STRN: variants seen among roughly 807,000 people sequenced by gnomAD.
STRN encodes the protein striatin.
A neutral mutation model predicts 96.3 loss-of-function variants in STRN; 53 were observed. That is an observed-to-expected ratio of 0.55 (90% confidence interval 0.44 to 0.69). STRN has a LOEUF of 0.69. STRN is among the 30% of genes least tolerant of loss of function. STRN has a pLI of 0.00. For missense variants in STRN, 987 were observed against 963.9 expected (o/e 1.02, Z -0.32); for synonymous variants, 428 against 355.9 (o/e 1.20, Z -2.28).
intron 3 of STRN, among the ~76,000 whole-genome samples, chr2:36,909,185 TA>T (rs1214647841): frequency 6.6e-6 from 1 of 150,378 alleles, no homozygotes; most frequent in Non-Finnish European, 1.5e-5. Flanking sequence ...AAATTCAGGT[TA>T]AAAAAAGAAA....
chr2:36,928,405 A>C (rs1204289557), intron 1 of STRN, among the ~76,000 whole-genome samples: 4 of 152,158 alleles, frequency 2.6e-5, no homozygotes, highest in Non-Finnish European at 5.9e-5. Context: ...TAATCCCAGA[A>C]CTTTGGGAGG....
At chr2:36,902,994 A>G (rs1469935176) in intron 4 of STRN, 1 of 258,916 alleles carries the variant, frequency 3.9e-6, no homozygotes, top group Non-Finnish European at 7.2e-6. Context: ...CATTACATTT[A>G]CCATAAGAAG....
intron 2 of STRN, among the ~76,000 whole-genome samples, chr2:36,922,386 G>A (rs576835108): frequency 6.6e-6 from 1 of 152,072 alleles, no homozygotes; most frequent in Non-Finnish European, 1.5e-5. Context: ...GTGTGGACTG[G>A]AGTATATCTG....
intron 1 of STRN, among the ~76,000 whole-genome samples, chr2:36,957,188 G>A (rs1490647932): frequency 6.6e-6 from 1 of 152,190 alleles, no homozygotes; most frequent in African/African-American, 2.4e-5. Flanking sequence ...AAGGGCTTAT[G>A]TCTTCAAAGC....
chr2:36,893,810 A>T, intron 7 of STRN, 88 bp downstream of exon 7: 1 of 1,462,476 alleles, frequency 6.8e-7, no homozygotes, highest in South Asian at 1.5e-5. Context: ...ATATTTCAAC[A>T]TTATAGTTAA....
At chr2:36,966,141 A>G (rs1318109717) in intron 1 of STRN, 89 bp downstream of exon 1, 2 of 1,284,096 alleles carry the variant, frequency 1.6e-6, no homozygotes, top group Non-Finnish European at 2.0e-6. Context: ...GGGACGCGAG[A>G]AGGCTGGGGG....
intron 5 of STRN, among the ~76,000 whole-genome samples, 152 bp downstream of exon 5, chr2:36,902,429 CTTG>C (rs1192878418): frequency 6.6e-6 from 1 of 151,708 alleles, no homozygotes; most frequent in Non-Finnish European, 1.5e-5. Flanking sequence ...AACTCCAATC[CTTG>C]TTACCTTCTA....
At chr2:36,962,785 G>A (rs1405436535) in intron 1 of STRN, among the ~76,000 whole-genome samples, 1 of 152,102 alleles carries the variant, frequency 6.6e-6, no homozygotes, top group Non-Finnish European at 1.5e-5. Flanking sequence ...GGGGATTACA[G>A]GTGTGAGCCA....
chr2:36,910,317 T>A (rs1031426781), intron 3 of STRN, among the ~76,000 whole-genome samples: 2 of 151,902 alleles, frequency 1.3e-5, no homozygotes, highest in Non-Finnish European at 2.9e-5. Context: ...CACAAAGGAA[T>A]AATGAGTATT....
intron 7 of STRN, among the ~76,000 whole-genome samples, chr2:36,888,020 C>T (rs1002895027): frequency 1.3e-5 from 2 of 152,206 alleles, no homozygotes; most frequent in African/African-American, 4.8e-5. Context: ...ACCTCTCTCC[C>T]CATCCAATCT....
chr2:36,925,054 C>T, intron 2 of STRN, 51 bp downstream of exon 2: 1 of 1,555,718 alleles, frequency 6.4e-7, no homozygotes, highest in Non-Finnish European at 8.8e-7. Flanking sequence ...GAAACTCCGT[C>T]TCAAAACAAA....
intron 3 of STRN, among the ~76,000 whole-genome samples, chr2:36,908,960 G>A (rs528842827): frequency 8.0e-5 from 12 of 150,082 alleles, no homozygotes; most frequent in African/African-American, 2.2e-4. Context: ...CAGCCTGGGC[G>A]ACAGAGCAAG....
chr2:36,839,783 T>G lies in STRN; in HGVS notation c.*9673A>C, dbSNP rs1469429008. 3 of 152,220 alleles carry G rather than the reference T, an allele frequency of 2.0e-5. No homozygotes were observed. The highest frequency in any genetic ancestry group is 7.2e-5 in the African/African-American group (3 of 41,464). 9.4% of individuals were successfully genotyped at this position (152,220 alleles called of 1,614,324 possible). A position where few individuals can be genotyped will look rare whatever the true frequency, so the allele number is the denominator to read the frequency against. ...ATATGTTTAATGTTGAGATTATTCG[T>G]TGAATATTTCATATGTAATTTGCTG... is the stretch of plus-strand genomic sequence containing the variant. On this transcript the variant is annotated 3_prime_UTR_variant, in exon 18 of 18. Coordinates refer to ENST00000263918, the MANE Select transcript of STRN (RefSeq NM_003162.4).
intron 5 of STRN, among the ~76,000 whole-genome samples, chr2:36,901,345 G>A (rs934466546): frequency 3.3e-5 from 5 of 152,116 alleles, no homozygotes; most frequent in Non-Finnish European, 7.4e-5. Context: ...GAGGTCAAGA[G>A]ATGGAGACCA....
chr2:36,877,097 G>A (rs771606755), intron 10 of STRN, among the ~76,000 whole-genome samples: 1 of 152,152 alleles, frequency 6.6e-6, no homozygotes, highest in Non-Finnish European at 1.5e-5. Flanking sequence ...GTAAATGTAT[G>A]CCCAAAGGTA....
At chr2:36,956,223 A>G (rs1664884099) in intron 1 of STRN, among the ~76,000 whole-genome samples, 1 of 152,212 alleles carries the variant, frequency 6.6e-6, no homozygotes, top group African/African-American at 2.4e-5. Flanking sequence ...CCTTCTGTCC[A>G]TAGAAATCTC....
Position 36,846,544 on chromosome 2 carries a change from C to G in STRN, c.*2912G>C, listed in dbSNP as rs1299271913. 1 of 147,576 alleles carries G rather than the reference C, an allele frequency of 6.8e-6. No homozygotes were observed. Among genetic ancestry groups the G allele is most frequent in the African/African-American group, 2.5e-5 (1 of 39,870 alleles). 9.1% of individuals were successfully genotyped at this position (147,576 alleles called of 1,614,324 possible). ...CATTATCTCCAAAAGAAATTTATAG[C>G]AAGAATACTGAAGGAATGAAAGTCA... On this transcript the variant is annotated 3_prime_UTR_variant, in exon 18 of 18. Coordinates refer to ENST00000263918, the MANE Select transcript of STRN (RefSeq NM_003162.4).
intron 1 of STRN, among the ~76,000 whole-genome samples, chr2:36,943,136 A>T (rs1670887565): frequency 6.6e-6 from 1 of 152,172 alleles, no homozygotes; most frequent in Non-Finnish European, 1.5e-5. Context: ...AGTAAACTAT[A>T]TTTTGACTGA....
rs545404747 is a variant in STRN, at chr2:36,925,254, A to G, written c.235-46T>C. ...AAAAATTCAGTTTAGACCAAAAAAA[A>G]AAGTTTTTTTAACTCAGTAAAGAAC... is the stretch of plus-strand genomic sequence containing the variant. On this transcript the variant is annotated intron_variant, in intron 1 of 17. Transcript: ENST00000263918. The G allele has an allele frequency of 5.1e-5, 77 of 1,498,844 alleles. No individual in the cohort carries two copies. In the Middle Eastern group the frequency reaches 2.3e-3, roughly 44 times the overall value. The allele number at this position is 1,498,844 out of a possible 1,614,324, so 92.8% of individuals were successfully genotyped here.
Sources: gnomAD v4.1 joint callset for allele counts (sites outside exome capture counted in the v4.1 genomes callset) on GRCh38, gnomAD v4.1.1 for gene constraint, MANE v1.5 for transcripts, NCBI Gene and HGNC (gene_info 2026-07-23, HGNC 2026-07-21) for gene names.